EPB41: variants seen among roughly 807,000 people sequenced by gnomAD.
EPB41 encodes the protein protein 4.1.
EPB41 carries 65 observed loss-of-function variants against 108.0 expected under a neutral mutation model. The ratio of observed to expected loss-of-function variants is 0.60; its 90% confidence interval spans 0.49 to 0.74. The LOEUF is 0.74. Ranked by LOEUF, EPB41 falls within the 30% of genes least tolerant of loss-of-function variation. EPB41 has a pLI of 0.00. For missense variants in EPB41, 875 were observed against 1,037.0 expected, an observed-to-expected ratio of 0.84 and a Z score of 2.15; for synonymous variants, 336 against 358.9, an observed-to-expected ratio of 0.94 and a Z score of 0.72.
At position 29,058,927 on chromosome 1, in the gene EPB41, G is replaced by A. The variant is rs1164567466; in HGVS notation, c.1944+75G>A. 3 of 1,246,952 alleles carry A rather than the reference G, an allele frequency of 2.4e-6. No homozygotes were observed. In the East Asian group the frequency reaches 7.6e-5, roughly 32 times the overall value. 77.2% of individuals were successfully genotyped at this position (1,246,952 alleles called of 1,614,324 possible). On this transcript the variant is annotated intron_variant, in intron 14 of 20. Transcript: ENST00000343067. ...TGACTTACAGTGCATTAAAAAGACAGTGATCCATTCTTTTCATTGATTTCT... is the reference window on the plus strand; with the variant it reads ...TGACTTACAGTGCATTAAAAAGACAATGATCCATTCTTTTCATTGATTTCT...
chr1:29,084,909 G>A (rs1200416868), intron 16 of EPB41, among the ~76,000 whole-genome samples: 1 of 152,058 alleles, frequency 6.6e-6, no homozygotes, highest in Admixed American at 6.6e-5. Flanking sequence ...AAGCTGAAAG[G>A]AAGCCCAATT....
At chr1:29,028,288 GT>G (rs1005588154) in intron 7 of EPB41, among the ~76,000 whole-genome samples, 6 of 152,112 alleles carry the variant, frequency 3.9e-5, no homozygotes, top group African/African-American at 1.4e-4. Context: ...TTTACTTAAT[GT>G]TTTAAAATTT....
At chr1:29,064,958 G>A (rs1159286923) in intron 15 of EPB41, 24 bp from the exon 16 acceptor site, 1 of 1,613,334 alleles carries the variant, frequency 6.2e-7, no homozygotes, top group South Asian at 1.1e-5. Flanking sequence ...GTATTGTTTT[G>A]CATCTTTGTC....
intron 1 of EPB41, among the ~76,000 whole-genome samples, chr1:28,972,566 T>G (rs1023279240): frequency 3.9e-5 from 6 of 152,102 alleles, no homozygotes; most frequent in African/African-American, 9.7e-5. Context: ...AGCATGATCA[T>G]GCTCAGTGAC....
intron 7 of EPB41, among the ~76,000 whole-genome samples, chr1:29,027,336 A>G (rs1476773030): frequency 7.1e-6 from 1 of 140,680 alleles, no homozygotes; most frequent in Admixed American, 7.1e-5. Flanking sequence ...GTCTCTCAAC[A>G]TTTTTTTTTT....
chr1:28,942,868 A>C (rs1426674920), intron 1 of EPB41, among the ~76,000 whole-genome samples: 1 of 152,250 alleles, frequency 6.6e-6, no homozygotes, highest in Non-Finnish European at 1.5e-5. Flanking sequence ...AGAGACCCTT[A>C]GCACTTTGGA....
At chr1:28,899,959 G>C (rs2091104633) in intron 1 of EPB41, among the ~76,000 whole-genome samples, 7 of 152,080 alleles carry the variant, frequency 4.6e-5, no homozygotes, top group Admixed American at 4.6e-4. Context: ...CCTATAACGT[G>C]GGGAAAATAT....
At chr1:29,082,727 A>G (rs961790677) in intron 16 of EPB41, among the ~76,000 whole-genome samples, 2 of 152,150 alleles carry the variant, frequency 1.3e-5, no homozygotes, top group Non-Finnish European at 2.9e-5. Flanking sequence ...CAGATTTGAG[A>G]ACACTCATTT....
intron 17 of EPB41, among the ~76,000 whole-genome samples, chr1:29,103,550 AG>A: frequency 6.6e-6 from 1 of 152,382 alleles, no homozygotes; most frequent in African/African-American, 2.4e-5. Context: ...GGTATTTATT[AG>A]CTATTCATAA....
chr1:29,001,939 G>A (rs767119206), intron 4 of EPB41, among the ~76,000 whole-genome samples: 5 of 152,108 alleles, frequency 3.3e-5, no homozygotes, highest in Non-Finnish European at 7.4e-5. Context: ...TGCCTGGGCT[G>A]AATGTGGTAG....
intron 1 of EPB41, among the ~76,000 whole-genome samples, chr1:28,971,935 C>G (rs983126288): frequency 4.6e-5 from 7 of 151,930 alleles, no homozygotes; most frequent in African/African-American, 1.7e-4. Context: ...GGGTCTCATT[C>G]TGTCACCCAG....
At chr1:28,927,690 C>A (rs1259343615) in intron 1 of EPB41, among the ~76,000 whole-genome samples, 1 of 152,120 alleles carries the variant, frequency 6.6e-6, no homozygotes, top group Non-Finnish European at 1.5e-5. Flanking sequence ...TCCTTCTCCT[C>A]TTAAATGATT....
chr1:29,102,993 G>C (rs1289765620), intron 17 of EPB41, among the ~76,000 whole-genome samples: 1 of 152,008 alleles, frequency 6.6e-6, no homozygotes, highest in Non-Finnish European at 1.5e-5. Context: ...GGCTGGTCTC[G>C]AACTCCTGAC....
At chr1:28,990,668 C>T (rs2095997478) in intron 2 of EPB41, among the ~76,000 whole-genome samples, 1 of 152,068 alleles carries the variant, frequency 6.6e-6, no homozygotes, top group African/African-American at 2.4e-5. Flanking sequence ...ATCCTTCTGC[C>T]TCAGCCTTCC....
At chr1:28,895,999 C>T (rs1282471934) in intron 1 of EPB41, among the ~76,000 whole-genome samples, 1 of 152,182 alleles carries the variant, frequency 6.6e-6, no homozygotes, top group Non-Finnish European at 1.5e-5. Flanking sequence ...TAATAGAAAA[C>T]AGGAGAAGGC....
chr1:28,904,849 C>A (rs191140873), intron 1 of EPB41, among the ~76,000 whole-genome samples: 5 of 151,964 alleles, frequency 3.3e-5, no homozygotes, highest in Admixed American at 3.3e-4. Context: ...CTGGCTAACA[C>A]GGTGAAACCC....
At chr1:29,092,093 CTTTTTTTTTT>C (rs35413713) in intron 16 of EPB41, among the ~76,000 whole-genome samples, 24 of 113,158 alleles carry the variant, frequency 2.1e-4, no homozygotes, top group Non-Finnish European at 3.3e-4. Context: ...TTCTTACCTT[CTTTTTTTTTT>C]TTTTTTTTTT....
chr1:28,889,356 T>C (rs2089840142), intron 1 of EPB41, among the ~76,000 whole-genome samples: 1 of 151,866 alleles, frequency 6.6e-6, no homozygotes. Flanking sequence ...ATGGGTGGAG[T>C]GCCTGGGTGT....
At chr1:29,073,388 A>C (rs1027871205) in intron 16 of EPB41, among the ~76,000 whole-genome samples, 3 of 152,168 alleles carry the variant, frequency 2.0e-5, no homozygotes, top group African/African-American at 7.2e-5. Flanking sequence ...TGTGGAGACA[A>C]ACCTACTTCA....
Sources: allele counts gnomAD v4.1 joint callset (sites outside exome capture counted in the v4.1 genomes callset), GRCh38; gene constraint gnomAD v4.1.1; transcripts MANE v1.5; gene names NCBI Gene and HGNC (gene_info 2026-07-23, HGNC 2026-07-21).